The following CCDC187 variants were observed in gnomAD, a reference collection of about 807,000 sequenced individuals.
The protein encoded by CCDC187 is coiled-coil domain-containing protein 187.
In CCDC187, 32 loss-of-function variants were observed where a neutral mutation model predicts 38.0. The ratio of observed to expected loss-of-function variants is 0.84; its 90% CI spans 0.64 to 1.13. The LOEUF (loss-of-function observed/expected upper bound fraction) is 1.13, where lower values mean the gene tolerates loss of function less well. Ranked by LOEUF, CCDC187 falls within the 50% of genes most tolerant of loss-of-function variation. CCDC187 has a pLI of 0.00. For synonymous variants in CCDC187, 333 were observed against 347.9 expected (o/e 0.96, Z 0.48); for missense variants, 707 against 786.8 (o/e 0.90, Z 1.21).
rs1830639851 is a variant in CCDC187, at chr9:136,258,347, C to T, written c.4366+585G>A. ...CCCCTTGGGTGGCATAGTCTCCCTG[C>T]TTCCGAGGATGGACACTGGGTGGGG... On this transcript the variant is annotated intron_variant, in intron 22 of 25. Transcript: ENST00000638797. This position sits in a 1 kb window ranked among gnomAD's most constrained non-coding sequence, Gnocchi z 4.3. 6.6e-6 allele frequency among the ~76,000 whole-genome samples: 1 copy of T among 152,214 alleles called. No individual in the cohort carries two copies. Among genetic ancestry groups the T allele is most frequent in the Non-Finnish European group, 1.5e-5 (1 of 68,028 alleles).
intron 4 of CCDC187, among the ~76,000 whole-genome samples, chr9:136,293,105 C>T (rs1831376262): frequency 6.7e-6 from 1 of 150,254 alleles, no homozygotes; most frequent in Non-Finnish European, 1.5e-5. Context: ...CAAACACTCA[C>T]ATTGCTCACA....
At chr9:136,268,633 A>G (rs1257919076) in intron 14 of CCDC187, among the ~76,000 whole-genome samples, 2 of 152,182 alleles carry the variant, frequency 1.3e-5, no homozygotes, top group African/African-American at 4.8e-5. Flanking sequence ...ACAGAGCAAA[A>G]GGGACTGGAT....
In CCDC187 at chr9:136,255,721, A is replaced by G. The variant is rs532548423; in HGVS notation, c.4629T>C (p.Cys1543=). 565 of 985,432 alleles carry G rather than the reference A, an allele frequency of 5.7e-4. 1 individual carries two copies. In the African/African-American group the frequency reaches 6.5e-3, roughly 11 times the overall value. 61.0% of individuals were successfully genotyped at this position (985,432 alleles called of 1,614,324 possible). A position where few individuals can be genotyped will look rare whatever the true frequency, so the allele number is the denominator to read the frequency against. The change falls in exon 25 of 26, where the codon TGT becomes TGC. Residue 1543 remains cysteine (C), a synonymous_variant. Coordinates refer to ENST00000638797, the MANE Select transcript of CCDC187 (RefSeq NM_001378188.1). ...WRSGEQRTEA[C]QQEVPGISST... is the part of the protein sequence containing the mutation. ...AGGAGATGCCGGGGACCTCCTGCTG[A>G]CAGGCCTCCGTCCTGCAAGCACATT...
At chr9:136,277,912 G>A (rs1208365819) in intron 10 of CCDC187, among the ~76,000 whole-genome samples, 7 of 152,142 alleles carry the variant, frequency 4.6e-5, no homozygotes, top group Non-Finnish European at 7.4e-5. Context: ...TCGCCTTCCC[G>A]GAACGGAGCA....
chr9:136,284,572 G>A (rs1045017121), intron 9 of CCDC187, among the ~76,000 whole-genome samples: 4 of 152,122 alleles, frequency 2.6e-5, no homozygotes, highest in African/African-American at 4.8e-5. Flanking sequence ...GCCCAAGAAC[G>A]CCTGGCAGTA....
chr9:136,282,171 TCAGCTGTGACCCTCACCC>T lies in CCDC187; in HGVS notation c.2928-526_2928-509del, dbSNP rs1185588774. Among the ~76,000 whole-genome samples, 4 of 152,118 alleles carry T rather than the reference TCAGCTGTGACCCTCACCC, an allele frequency of 2.6e-5. 1 individual carries two copies. Among genetic ancestry groups the T allele is most frequent in the Non-Finnish European group, 5.9e-5 (4 of 68,010 alleles). On this transcript the variant is annotated intron_variant, in intron 9 of 25. Coordinates refer to ENST00000638797, the MANE Select transcript of CCDC187 (RefSeq NM_001378188.1). The stretch of plus-strand genomic sequence containing the variant: ...GCCCAGAGCGGAACGGGGTCACGCA[TCAGCTGTGACCCTCACCC>T]CACTGCTCAAGGCTGGCACTGGAGA...
intron 10 of CCDC187, among the ~76,000 whole-genome samples, chr9:136,278,470 C>A (rs1830975893): frequency 6.6e-6 from 1 of 152,226 alleles, no homozygotes; most frequent in Non-Finnish European, 1.5e-5. Context: ...GCAGGAGTCA[C>A]CCCAGTGAGT....
rs190472093 is a variant in CCDC187 at position 136,252,469 on chromosome 9, G to A, written c.*1125C>T. On this transcript the variant is annotated 3_prime_UTR_variant, in exon 26 of 26. Transcript: ENST00000638797. Reference sequence around the variant, plus strand: ...AGGCAACCGTCCCGCACAGCCGGCCGCCCACCCGGTCCACCCTGGGAAGGT... The same window carrying A: ...AGGCAACCGTCCCGCACAGCCGGCCACCCACCCGGTCCACCCTGGGAAGGT... The A allele has an allele frequency of 5.2e-3, 1,019 of 196,328 alleles. No individual in the cohort carries two copies. Among genetic ancestry groups the A allele is most frequent in the Non-Finnish European group, 7.3e-3 (689 of 93,802 alleles). The allele number at this position is 196,328 out of a possible 1,614,324, so 12.2% of individuals were successfully genotyped here.
At chr9:136,287,661 G>A (rs1250061148) in intron 7 of CCDC187, among the ~76,000 whole-genome samples, 1 of 152,172 alleles carries the variant, frequency 6.6e-6, no homozygotes, top group Admixed American at 6.5e-5. Flanking sequence ...TTGGCCTTCT[G>A]TGTGGCAAGC....
chr9:136,288,185 C>T (rs1831226682), intron 7 of CCDC187, among the ~76,000 whole-genome samples: 1 of 152,112 alleles, frequency 6.6e-6, no homozygotes, highest in African/African-American at 2.4e-5. Flanking sequence ...GGGATGCTCA[C>T]CCAGCGGCAT....
rs575273232 is a variant in CCDC187 at position 136,261,769 on chromosome 9, C to T, written c.4064+542G>A. 2.2e-4 allele frequency among the ~76,000 whole-genome samples: 34 copies of T among 152,334 alleles called. 1 individual carries two copies. In the South Asian group the frequency reaches 3.3e-3, roughly 15 times the overall value. On this transcript the variant is annotated intron_variant, in intron 19 of 25. Coordinates refer to ENST00000638797, the MANE Select transcript of CCDC187 (RefSeq NM_001378188.1). ...TCCAAAGGCTGCTCCCCCGGGTCTGCGCTGCCCCCCGCTTTCTGCTTCGAG... is the reference window on the plus strand; with the variant it reads ...TCCAAAGGCTGCTCCCCCGGGTCTGTGCTGCCCCCCGCTTTCTGCTTCGAG...
Position 136,300,203 on chromosome 9 carries a change from G to A in CCDC187, c.724+17C>T, listed in dbSNP as rs973433292. 2.8e-5 allele frequency: 11 copies of A among 398,484 alleles called. No individual in the cohort carries two copies. The highest frequency in any genetic ancestry group is 1.3e-4 in the South Asian group (1 of 7,864). 24.7% of individuals were successfully genotyped at this position (398,484 alleles called of 1,614,324 possible). ...TCCAACCCGGAGCACCAGGGCAGCCGCCGCAGAGCCGCTCACCAGGAACCT... is the reference window on the plus strand; with the variant it reads ...TCCAACCCGGAGCACCAGGGCAGCCACCGCAGAGCCGCTCACCAGGAACCT... On this transcript the variant is annotated intron_variant, in intron 3 of 25. Coordinates refer to ENST00000638797, the MANE Select transcript of CCDC187 (RefSeq NM_001378188.1).
rs979192657 is a variant in CCDC187 at position 136,254,394 on chromosome 9, G to A, written c.5434C>T (p.Arg1812Trp). ...APPSPRSGEG[R>W]EASGTSESLK... ...CTCTCGCTGGTCCCAGAAGCTTCCCGCCCCTCCCCGGACCGTGGGGAGGGA... is the reference window on the plus strand; with the variant it reads ...CTCTCGCTGGTCCCAGAAGCTTCCCACCCCTCCCCGGACCGTGGGGAGGGA... The change falls in exon 26 of 26, where the codon CGG (arginine) becomes TGG (tryptophan). Residue 1812 changes from arginine to tryptophan, a missense_variant. Transcript: ENST00000638797. The A allele has an allele frequency of 3.5e-5, 34 of 984,576 alleles. No individual in the cohort carries two copies. The East Asian group carries it at 2.3e-3, about 66-fold the overall frequency. The allele number at this position is 984,576 out of a possible 1,614,324, so 61.0% of individuals were successfully genotyped here.
chr9:136,265,219 C>T (rs141986227), intron 17 of CCDC187, among the ~76,000 whole-genome samples: 1 of 152,356 alleles, frequency 6.6e-6, no homozygotes, highest in Non-Finnish European at 1.5e-5. Flanking sequence ...GCTTGCCCCT[C>T]AGCCTTGCTC....
At position 136,253,587 on chromosome 9, in the gene CCDC187, G is replaced by C. The variant is rs542131265; in HGVS notation, c.*7C>G. 1 of 985,334 alleles carries C rather than the reference G, an allele frequency of 1.0e-6. No homozygotes were observed. The highest frequency in any genetic ancestry group is 1.1e-4 in the East Asian group (1 of 8,836). The allele number at this position is 985,334 out of a possible 1,614,324, so 61.0% of individuals were successfully genotyped here. ...CCCGGACCAGCCACCCCTGGGCAGAGCCCCAACTACTGGGTTCCCGCCGAC... is the reference window on the plus strand; with the variant it reads ...CCCGGACCAGCCACCCCTGGGCAGACCCCCAACTACTGGGTTCCCGCCGAC... On this transcript the variant is annotated 3_prime_UTR_variant, in exon 26 of 26. Transcript: ENST00000638797.
chr9:136,300,082 C>T (rs1256611076), intron 3 of CCDC187, 138 bp downstream of exon 3: 2 of 395,990 alleles, frequency 5.1e-6, no homozygotes, highest in Non-Finnish European at 8.9e-6. Context: ...TCCAAATCCC[C>T]CCTTGGCCTC....
At chr9:136,288,126 TG>T (rs1275349635) in intron 7 of CCDC187, among the ~76,000 whole-genome samples, 1 of 151,554 alleles carries the variant, frequency 6.6e-6, no homozygotes, top group African/African-American at 2.4e-5. Context: ...CGGTGGCCAG[TG>T]GGGGAGGGGC....
At chr9:136,283,772 C>T (rs1183862209) in intron 9 of CCDC187, among the ~76,000 whole-genome samples, 3 of 152,320 alleles carry the variant, frequency 2.0e-5, no homozygotes, top group Non-Finnish European at 2.9e-5. Context: ...CCCGGGAGCC[C>T]GGGGCACTGA....
chr9:136,261,651 G>A (rs1830679854), intron 19 of CCDC187, among the ~76,000 whole-genome samples: 2 of 152,220 alleles, frequency 1.3e-5, no homozygotes, highest in Non-Finnish European at 2.9e-5. Context: ...GGAGCCAATG[G>A]CCGAGCCTGA....
Sources: gnomAD v4.1 joint callset for allele counts (sites outside exome capture counted in the v4.1 genomes callset) on GRCh38, gnomAD v4.1.1 for gene constraint, Gnocchi (gnomAD v3.1) non-coding constraint, MANE v1.5 for transcripts, NCBI Gene and HGNC (gene_info 2026-07-23, HGNC 2026-07-21) for gene names.